DNAH7: variants seen among roughly 807,000 people sequenced by gnomAD.
The protein encoded by DNAH7 is axonemal beta dynein heavy chain 7.
DNAH7 carries 397 observed loss-of-function variants against 444.6 expected under a neutral mutation model. That is an observed-to-expected ratio of 0.89 (90% confidence interval 0.82 to 0.97). The LOEUF (loss-of-function observed/expected upper bound fraction) is 0.97. Among genes scored for constraint, DNAH7 ranks in the 50% least tolerant of loss-of-function variants. The probability of loss-of-function intolerance (pLI) is 0.00; values close to 1 mark genes in which losing one functional copy is unlikely to be tolerated. For synonymous variants in DNAH7, 1,636 were observed against 1,624.4 expected (o/e 1.01, Z -0.17); for missense variants, 4,902 against 4,800.8 (o/e 1.02, Z -0.62).
At chr2:195,957,471 C>A in intron 18 of DNAH7, 24 bp from the exon 19 acceptor site, 1 of 1,471,894 alleles carries the variant, frequency 6.8e-7, no homozygotes, top group South Asian at 1.5e-5. Flanking sequence ...CACAGTGGCT[C>A]TTACTGACAG....
intron 38 of DNAH7, among the ~76,000 whole-genome samples, chr2:195,874,837 A>G (rs559029817): frequency 5.3e-5 from 8 of 152,086 alleles, no homozygotes; most frequent in African/African-American, 2.4e-5. Context: ...AAACAAACAG[A>G]AAGTGTTCAA....
At chr2:195,990,838 CATAT>C (rs1368517374) in intron 12 of DNAH7, among the ~76,000 whole-genome samples, 1 of 122,578 alleles carries the variant, frequency 8.2e-6, no homozygotes, top group African/African-American at 3.2e-5. Flanking sequence ...AATATATATA[CATAT>C]ATATACTTAA....
At chr2:195,989,277 T>A (rs1402879296) in intron 12 of DNAH7, among the ~76,000 whole-genome samples, 1 of 152,216 alleles carries the variant, frequency 6.6e-6, no homozygotes, top group Non-Finnish European at 1.5e-5. Flanking sequence ...GTTTTCTATA[T>A]TGGCTGCACT....
intron 54 of DNAH7, among the ~76,000 whole-genome samples, chr2:195,800,255 G>C (rs1215812762): frequency 6.6e-6 from 1 of 152,076 alleles, no homozygotes; most frequent in Non-Finnish European, 1.5e-5. Context: ...GCTTTGGTGG[G>C]GACAAACTCA....
intron 64 of DNAH7, among the ~76,000 whole-genome samples, 145 bp downstream of exon 64, chr2:195,740,611 GTGTGTATATA>G (rs1331935050): frequency 0.043 from 2,837 of 65,964 alleles, 36 homozygotes; most frequent in Non-Finnish European, 0.06. Context: ...GTGTGTGTGT[GTGTGTATATA>G]TATATATATA....
Position 195,813,377 on chromosome 2 carries a change from A to C in DNAH7, c.9761+3251T>G, listed in dbSNP as rs534179779. Among the ~76,000 whole-genome samples the C allele has an allele frequency of 2.0e-5, 3 of 152,274 alleles. No individual in the cohort carries two copies. In the East Asian group the frequency reaches 5.8e-4, roughly 29 times the overall value. ...ATAAACCCTTTTGAAAACTAGTCAGACCTTTGTCAGTTTTATGACCCAGTA... is the reference window on the plus strand; with the variant it reads ...ATAAACCCTTTTGAAAACTAGTCAGCCCTTTGTCAGTTTTATGACCCAGTA... On this transcript the variant is annotated intron_variant, in intron 51 of 64. Transcript: ENST00000312428.
chr2:195,786,867 A>G, intron 58 of DNAH7, 143 bp downstream of exon 58: 1 of 758,610 alleles, frequency 1.3e-6, no homozygotes, highest in Non-Finnish European at 2.0e-6. Flanking sequence ...ACAATAAAGT[A>G]CTACTTAATA....
chr2:195,906,441 TTTTCTTTC>T (rs1308631088), intron 27 of DNAH7, among the ~76,000 whole-genome samples: 1 of 141,424 alleles, frequency 7.1e-6, no homozygotes, highest in Non-Finnish European at 1.5e-5. Context: ...TTTTAAAATA[TTTTCTTTC>T]TTTCTTTTTT....
chr2:195,777,462 C>T (rs1173364263), intron 59 of DNAH7, among the ~76,000 whole-genome samples: 1 of 152,196 alleles, frequency 6.6e-6, no homozygotes, highest in Non-Finnish European at 1.5e-5. Context: ...TTAACTACTA[C>T]TGCTAATAAT....
At chr2:195,930,314 C>A (rs1193632029) in intron 21 of DNAH7, among the ~76,000 whole-genome samples, 1 of 151,876 alleles carries the variant, frequency 6.6e-6, no homozygotes, top group East Asian at 1.9e-4. Flanking sequence ...TGCACTCCAG[C>A]CTGGTGACAG....
At chr2:195,969,175 G>T (rs1025591655) in intron 17 of DNAH7, among the ~76,000 whole-genome samples, 6 of 152,302 alleles carry the variant, frequency 3.9e-5, no homozygotes, top group South Asian at 2.1e-4. Flanking sequence ...TGTGGGTGGT[G>T]GGGGGAGCAA....
intron 19 of DNAH7, among the ~76,000 whole-genome samples, chr2:195,939,732 T>A (rs1689293126): frequency 6.6e-6 from 1 of 152,138 alleles, no homozygotes; most frequent in African/African-American, 2.4e-5. Flanking sequence ...CTAGTGATGA[T>A]CTACTAGGTT....
intron 61 of DNAH7, among the ~76,000 whole-genome samples, chr2:195,759,703 T>A (rs935729043): frequency 2.6e-5 from 4 of 151,946 alleles, no homozygotes; most frequent in Admixed American, 2.6e-4. Context: ...ATAAAAAAAT[T>A]AGCTGGGTGT....
At chr2:195,834,158 C>T in intron 48 of DNAH7, 48 bp downstream of exon 48, 1 of 1,544,152 alleles carries the variant, frequency 6.5e-7, no homozygotes, top group Non-Finnish European at 8.8e-7. Context: ...GTTAATTGTG[C>T]CCTCTCCAGG....
chr2:195,792,984 C>G (rs569599298), intron 57 of DNAH7, among the ~76,000 whole-genome samples: 20 of 152,250 alleles, frequency 1.3e-4, no homozygotes, highest in Non-Finnish European at 2.2e-4. Context: ...GGCTGGAGTG[C>G]AGTGGGATGA....
Position 195,935,829 on chromosome 2 carries a change from T to C in DNAH7, c.3272+770A>G, listed in dbSNP as rs556258552. Among the ~76,000 whole-genome samples, 20 of 152,156 alleles carry C rather than the reference T, an allele frequency of 1.3e-4. No homozygotes were observed. In the South Asian group the frequency reaches 4.2e-3, roughly 32 times the overall value. On this transcript the variant is annotated intron_variant, in intron 20 of 64. Transcript: ENST00000312428. ...GTAAAGGAAGAAGTATGATGAACAT[T>C]TGGGTAAGGAGCATCCCAGGCAAGA...
intron 15 of DNAH7, among the ~76,000 whole-genome samples, chr2:195,979,604 A>G (rs926902556): frequency 6.6e-6 from 1 of 152,148 alleles, no homozygotes; most frequent in African/African-American, 2.4e-5. Flanking sequence ...GTCTAAGAAA[A>G]TAAATAATAA....
At chr2:195,852,716 ATCAG>A (rs1409414667) in intron 46 of DNAH7, among the ~76,000 whole-genome samples, 1 of 152,174 alleles carries the variant, frequency 6.6e-6, no homozygotes, top group Non-Finnish European at 1.5e-5. Context: ...AAGAGGCAGA[ATCAG>A]TCAGAGAGGT....
At chr2:196,040,793 T>C (rs1209203515) in intron 5 of DNAH7, among the ~76,000 whole-genome samples, 1 of 152,004 alleles carries the variant, frequency 6.6e-6, no homozygotes, top group African/African-American at 2.4e-5. Flanking sequence ...TGTTTGCAAA[T>C]GACATGATCT....
Sources: gnomAD v4.1 joint callset for allele counts (sites outside exome capture counted in the v4.1 genomes callset) on GRCh38, gnomAD v4.1.1 for gene constraint, MANE v1.5 for transcripts, NCBI Gene and HGNC (gene_info 2026-07-23, HGNC 2026-07-21) for gene names.